GTF2B: variants seen among roughly 807,000 people sequenced by gnomAD.
The protein encoded by GTF2B is transcription initiation factor IIB.
GTF2B carries 20 observed loss-of-function variants against 34.6 expected under a neutral mutation model. The ratio of observed to expected loss-of-function variants is 0.58; its 90% CI spans 0.41 to 0.84. The LOEUF is 0.84. Among genes scored for constraint, GTF2B ranks in the 40% least tolerant of loss-of-function variants. The probability of loss-of-function intolerance (pLI) is 0.00; values close to 1 mark genes in which losing one functional copy is unlikely to be tolerated. For synonymous variants in GTF2B, 142 were observed against 132.4 expected (o/e 1.07, Z -0.50); for missense variants, 237 against 393.3 (o/e 0.60, Z 3.36).
chr1:88,877,983 C>T (rs147330038), intron 2 of GTF2B, among the ~76,000 whole-genome samples: 16 of 152,180 alleles, frequency 1.1e-4, no homozygotes, highest in African/African-American at 3.9e-4. Context: ...ACAGTAGGAA[C>T]AACAAAACTT....
At chr1:88,854,891 T>A (rs1673268773) in intron 6 of GTF2B, among the ~76,000 whole-genome samples, 1 of 152,230 alleles carries the variant, frequency 6.6e-6, no homozygotes, top group African/African-American at 2.4e-5. Context: ...CTGCCATCAT[T>A]GTACAATTAG....
chr1:88,871,863 C>A (rs1673699326), intron 2 of GTF2B, among the ~76,000 whole-genome samples: 1 of 152,084 alleles, frequency 6.6e-6, no homozygotes, highest in South Asian at 2.1e-4. Flanking sequence ...TCCCGAGTAG[C>A]TGGGATTACA....
At position 88,857,807 on chromosome 1, in the gene GTF2B, G is replaced by A. The variant is rs898624845; in HGVS notation, c.536-320C>T. Among the ~76,000 whole-genome samples the A allele has an allele frequency of 2.7e-5, 4 of 149,294 alleles. No individual in the cohort carries two copies. The East Asian group carries it at 7.9e-4, about 30-fold the overall frequency. On this transcript the variant is annotated intron_variant, in intron 5 of 6. Transcript: ENST00000370500. The stretch of plus-strand genomic sequence containing the variant: ...AGTGATTCTCCTGCCTCAGCCTCCC[G>A]AGTAGCTGGGACTACAGGCGTGCAC...
chr1:88,859,025 G>T (rs978625820), intron 5 of GTF2B, among the ~76,000 whole-genome samples: 48 of 151,864 alleles, frequency 3.2e-4, no homozygotes, highest in African/African-American at 1.2e-3. Context: ...GCACCACCAC[G>T]CCTGGCTAAT....
At chr1:88,861,482 C>T (rs530031550) in intron 3 of GTF2B, among the ~76,000 whole-genome samples, 6 of 152,094 alleles carry the variant, frequency 3.9e-5, no homozygotes, top group South Asian at 4.1e-4. Context: ...CTGATGATCA[C>T]GGAGAAACCC....
rs530230344 is a variant in GTF2B, at chr1:88,867,777, T to A, written c.125-3663A>T. ...TGCTGCCTGCTTTATACTGTTTTTATAAAGACAAGATGGATTTTTTATTTT... is the reference window on the plus strand; with the variant it reads ...TGCTGCCTGCTTTATACTGTTTTTAAAAAGACAAGATGGATTTTTTATTTT... On this transcript the variant is annotated intron_variant, in intron 2 of 6. Transcript: ENST00000370500. Among the ~76,000 whole-genome samples, 6 of 152,276 alleles carry A rather than the reference T, an allele frequency of 3.9e-5. No individual in the cohort carries two copies. In the South Asian group the frequency reaches 1.2e-3, roughly 32 times the overall value.
At chr1:88,863,342 A>G (rs1673485860) in intron 3 of GTF2B, among the ~76,000 whole-genome samples, 1 of 151,170 alleles carries the variant, frequency 6.6e-6, no homozygotes, top group African/African-American at 2.5e-5. Flanking sequence ...AAAAGAGAAG[A>G]CATTCTTTTC....
At chr1:88,878,934 G>A (rs1184991576) in intron 2 of GTF2B, among the ~76,000 whole-genome samples, 1 of 152,196 alleles carries the variant, frequency 6.6e-6, no homozygotes, top group African/African-American at 2.4e-5. Context: ...TATCATAGAA[G>A]CAGATCTTAC....
intron 2 of GTF2B, among the ~76,000 whole-genome samples, chr1:88,879,966 G>A (rs1673897591): frequency 6.6e-6 from 1 of 151,800 alleles, no homozygotes; most frequent in Non-Finnish European, 1.5e-5. Context: ...GGCTGAAGCA[G>A]GAGAATTGCC....
intron 2 of GTF2B, among the ~76,000 whole-genome samples, chr1:88,886,305 TC>T (rs375647342): frequency 2.7e-4 from 41 of 152,284 alleles, no homozygotes; most frequent in African/African-American, 9.1e-4. Context: ...GAATTTTCAT[TC>T]TTAAGTAATT....
At chr1:88,856,933 C>T (rs1465546867) in intron 6 of GTF2B, among the ~76,000 whole-genome samples, 1 of 151,762 alleles carries the variant, frequency 6.6e-6, no homozygotes, top group Non-Finnish European at 1.5e-5. Context: ...TCCTGAATAG[C>T]TGGGATTACA....
chr1:88,871,823 G>A (rs1673698584), intron 2 of GTF2B, among the ~76,000 whole-genome samples: 1 of 152,052 alleles, frequency 6.6e-6, no homozygotes, highest in African/African-American at 2.4e-5. Context: ...CCTCCGCCTT[G>A]CAGGTTCAAG....
intron 2 of GTF2B, among the ~76,000 whole-genome samples, chr1:88,876,183 T>C (rs569261754): frequency 6.6e-6 from 1 of 152,314 alleles, no homozygotes; most frequent in East Asian, 1.9e-4. Flanking sequence ...CCATATTAAA[T>C]GAAACCTGAT....
Position 88,891,459 on chromosome 1 carries a change from CCGGGCTCGG to C in GTF2B, c.17+15_17+23del. ...GCGCTCGCGCCCGCCCCTCAGCTCG[CCGGGCTCGG>C]CGGGACATACTAACCGGCTGGTAGA... On this transcript the variant is annotated intron_variant, in intron 1 of 6. Transcript: ENST00000370500. 6.3e-7 allele frequency: 1 copy of C among 1,595,486 alleles called. No homozygotes were observed. Among genetic ancestry groups the C allele is most frequent in the Non-Finnish European group, 8.6e-7 (1 of 1,168,648 alleles).
chr1:88,873,703 TG>T (rs1481464270), intron 2 of GTF2B, among the ~76,000 whole-genome samples: 2 of 152,208 alleles, frequency 1.3e-5, no homozygotes, highest in African/African-American at 4.8e-5. Flanking sequence ...GGACAGCTGT[TG>T]GTAATTTCCT....
Position 88,886,337 on chromosome 1 carries a change from CT to C in GTF2B, c.124+923del, listed in dbSNP as rs542809134. On this transcript the variant is annotated intron_variant, in intron 2 of 6. Coordinates refer to ENST00000370500, the MANE Select transcript of GTF2B (RefSeq NM_001514.6). ...TAATTCAAACTGCTAAATATTACCC[CT>C]ATTCTCAGATGCTACAACTCCACCA... Among the ~76,000 whole-genome samples, 39 of 152,276 alleles carry C rather than the reference CT, an allele frequency of 2.6e-4. 1 individual carries two copies. The South Asian group carries it at 6.0e-3, about 23-fold the overall frequency.
chr1:88,876,824 C>A (rs1673828530), intron 2 of GTF2B, among the ~76,000 whole-genome samples: 1 of 152,120 alleles, frequency 6.6e-6, no homozygotes, highest in Non-Finnish European at 1.5e-5. Flanking sequence ...ACAGATGAAA[C>A]AAATTAAGCT....
chr1:88,880,746 C>A (rs1426417245), intron 2 of GTF2B, among the ~76,000 whole-genome samples: 1 of 152,104 alleles, frequency 6.6e-6, no homozygotes, highest in Non-Finnish European at 1.5e-5. Flanking sequence ...GTGGCTCACA[C>A]CTGTAATCCC....
chr1:88,873,182 G>GTTTTTT (rs869087763), intron 2 of GTF2B, among the ~76,000 whole-genome samples: 9 of 100,442 alleles, frequency 9.0e-5, no homozygotes, highest in Non-Finnish European at 1.5e-4. Context: ...ATTCCATTAA[G>GTTTTTT]TTTTTTTTTT....
Sources: allele counts gnomAD v4.1 joint callset (sites outside exome capture counted in the v4.1 genomes callset), GRCh38; gene constraint gnomAD v4.1.1; transcripts MANE v1.5; gene names NCBI Gene and HGNC (gene_info 2026-07-23, HGNC 2026-07-21).